ASIC2: variants seen among roughly 807,000 people sequenced by gnomAD.
ASIC2 encodes the protein acid sensing ion channel subunit 2.
Under a neutral mutation model 57.3 loss-of-function variants are expected in ASIC2, and 25 were observed. The observed-to-expected ratio is 0.44, with a 90% CI of 0.32 to 0.61. ASIC2 has a LOEUF of 0.61. ASIC2 is among the 20% of genes least tolerant of loss of function. ASIC2 has a pLI of 0.06. For synonymous variants in ASIC2, 319 were observed against 307.5 expected, an observed-to-expected ratio of 1.04 and a Z score of -0.39; for missense variants, 641 against 738.1, an observed-to-expected ratio of 0.87 and a Z score of 1.52.
At chr17:33,934,837 C>A (rs757788092) in intron 1 of ASIC2, among the ~76,000 whole-genome samples, 1 of 152,228 alleles carries the variant, frequency 6.6e-6, no homozygotes, top group African/African-American at 2.4e-5. Context: ...CTTTCTCAAA[C>A]CTGTCCCTCC....
chr17:33,549,547 G>T (rs932714522), intron 1 of ASIC2, among the ~76,000 whole-genome samples: 3 of 152,182 alleles, frequency 2.0e-5, no homozygotes, highest in Non-Finnish European at 2.9e-5. Flanking sequence ...GCAAGACCAA[G>T]ACCTTCCTTT....
intron 1 of ASIC2, among the ~76,000 whole-genome samples, chr17:33,982,354 G>C (rs1016941399): frequency 1.8e-4 from 27 of 152,232 alleles, no homozygotes; most frequent in African/African-American, 6.5e-4. Context: ...TTACTGGCTG[G>C]AATCAAGTGC....
intron 1 of ASIC2, among the ~76,000 whole-genome samples, chr17:33,396,899 T>A (rs1910096565): frequency 6.6e-6 from 1 of 152,194 alleles, no homozygotes; most frequent in African/African-American, 2.4e-5. Flanking sequence ...TCATCCTGAA[T>A]AACTAGAAGT....
intron 1 of ASIC2, among the ~76,000 whole-genome samples, chr17:33,886,869 A>G (rs1251727176): frequency 2.0e-5 from 3 of 152,178 alleles, no homozygotes; most frequent in African/African-American, 7.2e-5. Flanking sequence ...GCATTTGAAC[A>G]ACACCCTCAA....
At chr17:33,558,349 A>G (rs1915971302) in intron 1 of ASIC2, among the ~76,000 whole-genome samples, 2 of 152,156 alleles carry the variant, frequency 1.3e-5, no homozygotes, top group African/African-American at 4.8e-5. Flanking sequence ...GGGTTATGTT[A>G]TCTTCCTCTG....
chr17:33,600,203 T>C (rs549855536), intron 1 of ASIC2, among the ~76,000 whole-genome samples: 1 of 152,196 alleles, frequency 6.6e-6, no homozygotes, highest in African/African-American at 2.4e-5. Context: ...CCCCCAAAGT[T>C]GATGTGTTGG....
chr17:33,341,968 T>C (rs1010307529), intron 1 of ASIC2, among the ~76,000 whole-genome samples: 24 of 152,068 alleles, frequency 1.6e-4, no homozygotes, highest in Admixed American at 1.2e-3. Context: ...CCTGAACAAA[T>C]AAATAGCAAG....
intron 1 of ASIC2, among the ~76,000 whole-genome samples, chr17:33,891,427 T>C (rs1914957277): frequency 6.6e-6 from 1 of 152,168 alleles, no homozygotes; most frequent in African/African-American, 2.4e-5. Flanking sequence ...CATGAGGTCA[T>C]CGGCCTACTA....
chr17:33,371,624 T>C (rs756740391), intron 1 of ASIC2, among the ~76,000 whole-genome samples: 1 of 152,142 alleles, frequency 6.6e-6, no homozygotes, highest in Non-Finnish European at 1.5e-5. Context: ...CTGGTGCTCA[T>C]CAGGGCCAGC....
At chr17:33,743,353 A>C (rs1489189393) in intron 1 of ASIC2, among the ~76,000 whole-genome samples, 2 of 152,196 alleles carry the variant, frequency 1.3e-5, no homozygotes, top group Non-Finnish European at 2.9e-5. Context: ...GCTTGATGGA[A>C]GCTCCATCAT....
Position 33,292,207 on chromosome 17 carries a change from G to C in ASIC2, c.-92C>G, listed in dbSNP as rs1905509761. 2 of 1,004,316 alleles carry C rather than the reference G, an allele frequency of 2.0e-6. No homozygotes were observed. Among genetic ancestry groups the C allele is most frequent in the South Asian group, 9.3e-5 (2 of 21,532 alleles). 62.2% of individuals were successfully genotyped at this position (1,004,316 alleles called of 1,614,324 possible). A position where few individuals can be genotyped will look rare whatever the true frequency, so the allele number is the denominator to read the frequency against. ...CAGCAGCAGTGGAAGCAGCAGCAGC[G>C]GCAGCCGCGCGCAGCCCGCGCCAGG... On this transcript the variant is annotated 5_prime_UTR_variant, in exon 1 of 10. Coordinates refer to ENST00000225823, the MANE Select transcript of ASIC2 (RefSeq NM_183377.2).
chr17:33,870,229 T>G lies in ASIC2; in HGVS notation c.555+285749A>C, dbSNP rs1037597955. On this transcript the variant is annotated intron_variant, in intron 1 of 9. Coordinates refer to the ASIC2 transcript ENST00000359872. ...GGGCTGTGATGAGAAATTCTGTTTT[T>G]TTTTTTTTTTTTTTTTTTTTTTTGT... is the stretch of plus-strand genomic sequence containing the variant. Among the ~76,000 whole-genome samples, 41 of 118,400 alleles carry G rather than the reference T, an allele frequency of 3.5e-4. No individual in the cohort carries two copies. In the South Asian group the frequency reaches 9.8e-3, roughly 28 times the overall value. The allele number at this position is 118,400 out of a possible 152,430, so 77.7% of individuals were successfully genotyped here.
intron 1 of ASIC2, among the ~76,000 whole-genome samples, chr17:33,181,466 T>C (rs1905981136): frequency 6.6e-6 from 1 of 152,254 alleles, no homozygotes; most frequent in South Asian, 2.1e-4. Context: ...AGCACAGAAG[T>C]CAGAAATTGG....
chr17:33,942,767 G>A (rs902397743), intron 1 of ASIC2, among the ~76,000 whole-genome samples: 47 of 152,152 alleles, frequency 3.1e-4, no homozygotes, highest in African/African-American at 1.1e-3. Context: ...AGCAAGGGCT[G>A]TACTTAGCTT....
At chr17:33,045,353 G>A (rs2091949216) in intron 3 of ASIC2, among the ~76,000 whole-genome samples, 1 of 152,176 alleles carries the variant, frequency 6.6e-6, no homozygotes, top group Non-Finnish European at 1.5e-5. Context: ...TCTTCATCGG[G>A]ACACAATTTC....
intron 1 of ASIC2, among the ~76,000 whole-genome samples, chr17:33,839,667 TGGCTTGC>T (rs1156826513): frequency 1.3e-5 from 2 of 152,192 alleles, no homozygotes; most frequent in Non-Finnish European, 2.9e-5. Context: ...TTATTCTAGC[TGGCTTGC>T]TGTTAGGTTC....
chr17:33,543,758 G>A (rs559972579), intron 1 of ASIC2, among the ~76,000 whole-genome samples: 1 of 152,274 alleles, frequency 6.6e-6, no homozygotes, highest in East Asian at 1.9e-4. Context: ...GAGGAGCCTG[G>A]GAGGTCAGTT....
At position 33,520,322 on chromosome 17, in the gene ASIC2, G is replaced by A. The variant is rs188192936; in HGVS notation, c.556-408255C>T. 5.4e-3 allele frequency among the ~76,000 whole-genome samples: 828 copies of A among 152,352 alleles called. 10 individuals carry two copies. The highest frequency in any genetic ancestry group is 0.018 in the African/African-American group (756 of 41,574). The stretch of plus-strand genomic sequence containing the variant: ...GTGGGGAAGCATGAAAATCACTCGC[G>A]AATTCATTCTTGTGTCTGCACCTGC... On this transcript the variant is annotated intron_variant, in intron 1 of 9. Transcript: ENST00000359872.
At chr17:33,657,503 T>C (rs1907112740) in intron 1 of ASIC2, among the ~76,000 whole-genome samples, 1 of 152,058 alleles carries the variant, frequency 6.6e-6, no homozygotes, top group African/African-American at 2.4e-5. Flanking sequence ...GACAGAGTAT[T>C]GGGGGTCCTG....
Sources: allele counts gnomAD v4.1 joint callset (sites outside exome capture counted in the v4.1 genomes callset), GRCh38; gene constraint gnomAD v4.1.1; transcripts MANE v1.5; gene names NCBI Gene and HGNC (gene_info 2026-07-23, HGNC 2026-07-21).